The following MIB1 variants were observed in gnomAD, a reference collection of about 807,000 sequenced individuals.
MIB1 encodes E3 ubiquitin-protein ligase MIB1.
A neutral mutation model predicts 124.5 loss-of-function variants in MIB1; 278 were observed. The ratio of observed to expected loss-of-function variants is 2.23; its 90% CI spans 2.02 to 2.47. MIB1 has a LOEUF of 2.47. MIB1 is among the 30% of genes most tolerant of loss of function. The pLI is 0.00. For missense variants in MIB1, 957 were observed against 1,254.4 expected (o/e 0.76, Z 3.58); for synonymous variants, 446 against 429.4 (o/e 1.04, Z -0.48).
chr18:21,733,798 C>G (rs1372338824), intron 1 of MIB1, among the ~76,000 whole-genome samples: 1 of 151,858 alleles, frequency 6.6e-6, no homozygotes. Flanking sequence ...CTCTGCTTCC[C>G]AGGTTCAAGA....
At chr18:21,800,810 C>G (rs1656103707) in intron 9 of MIB1, among the ~76,000 whole-genome samples, 1 of 151,984 alleles carries the variant, frequency 6.6e-6, no homozygotes, top group African/African-American at 2.4e-5. Context: ...ATAGAGAAAT[C>G]AATTGTAGCA....
intron 4 of MIB1, among the ~76,000 whole-genome samples, chr18:21,776,514 A>C (rs539366318): frequency 6.6e-6 from 1 of 152,284 alleles, no homozygotes; most frequent in South Asian, 2.1e-4. Flanking sequence ...CTTTTAAGTA[A>C]ATCCACATCT....
At chr18:21,767,397 G>A (rs2041173683) in intron 2 of MIB1, among the ~76,000 whole-genome samples, 1 of 152,104 alleles carries the variant, frequency 6.6e-6, no homozygotes, top group Non-Finnish European at 1.5e-5. Context: ...AGAACAGCAT[G>A]GAGGTAACCG....
chr18:21,814,643 A>C (rs2041808255), intron 10 of MIB1, among the ~76,000 whole-genome samples: 1 of 151,884 alleles, frequency 6.6e-6, no homozygotes, highest in Non-Finnish European at 1.5e-5. Context: ...GCCCGATCTC[A>C]GCTCACTGCA....
Position 21,865,527 on chromosome 18 carries a change from T to G in MIB1, c.*861T>G, listed in dbSNP as rs1425833449. On this transcript the variant is annotated 3_prime_UTR_variant, in exon 21 of 21. Transcript: ENST00000261537. The stretch of plus-strand genomic sequence containing the variant: ...TGTACTTCCGGTTTTCTGTGATTAC[T>G]TATCTGGGCTTGATCTGACCAGTGA... The G allele has an allele frequency of 6.6e-6, 1 of 152,638 alleles. No homozygotes were observed. The highest frequency in any genetic ancestry group is 2.4e-5 in the African/African-American group (1 of 41,466). 9.5% of individuals were successfully genotyped at this position (152,638 alleles called of 1,614,324 possible).
At chr18:21,856,096 GGCGGGCGCCT>G (rs1461551597) in intron 18 of MIB1, among the ~76,000 whole-genome samples, 2 of 151,506 alleles carry the variant, frequency 1.3e-5, no homozygotes, top group Admixed American at 6.6e-5. Flanking sequence ...CGGGCGCGGT[GGCGGGCGCCT>G]GTAGTCCCAG....
At chr18:21,784,692 G>A (rs1384254806) in intron 6 of MIB1, among the ~76,000 whole-genome samples, 2 of 152,224 alleles carry the variant, frequency 1.3e-5, no homozygotes, top group African/African-American at 2.4e-5. Flanking sequence ...GGTGAGAAGT[G>A]ACCAGAAGAG....
In MIB1 at chr18:21,866,574, A is replaced by AG. The variant is rs1374975860; in HGVS notation, c.*1910dup. Reference sequence around the variant, plus strand: ...TCTCTTCCCACTAGATCACCTGGTGAGGAGGGAGCACCTGGCTGACTCATG... The same window carrying AG: ...TCTCTTCCCACTAGATCACCTGGTGAGGGAGGGAGCACCTGGCTGACTCATG... On this transcript the variant is annotated 3_prime_UTR_variant, in exon 21 of 21. Coordinates refer to ENST00000261537, the MANE Select transcript of MIB1 (RefSeq NM_020774.4). The AG allele has an allele frequency of 6.6e-6, 1 of 152,072 alleles. No individual in the cohort carries two copies. Among genetic ancestry groups the AG allele is most frequent in the African/African-American group, 2.4e-5 (1 of 41,412 alleles). The allele number at this position is 152,072 out of a possible 1,614,324, so 9.4% of individuals were successfully genotyped here.
At chr18:21,736,845 C>G (rs868698152), upstream of MIB1, among the ~76,000 whole-genome samples, 1 of 152,156 alleles carries the variant, frequency 6.6e-6, no homozygotes, top group Non-Finnish European at 1.5e-5. Context: ...AGAACAAAGC[C>G]TCCAAGAAAT....
At chr18:21,841,720 G>A (rs1231734340) in intron 13 of MIB1, among the ~76,000 whole-genome samples, 1 of 151,862 alleles carries the variant, frequency 6.6e-6, no homozygotes, top group Non-Finnish European at 1.5e-5. Flanking sequence ...CCACTTCTAG[G>A]TATGTACCCA....
chr18:21,808,045 G>A (rs891210787), intron 10 of MIB1, among the ~76,000 whole-genome samples: 1 of 152,010 alleles, frequency 6.6e-6, no homozygotes, highest in Non-Finnish European at 1.5e-5. Context: ...ATTCCAAAAC[G>A]TAAGGGCTCT....
At chr18:21,730,105 A>C (rs1329498282) in intron 1 of MIB1, among the ~76,000 whole-genome samples, 1 of 152,174 alleles carries the variant, frequency 6.6e-6, no homozygotes, top group Non-Finnish European at 1.5e-5. Flanking sequence ...TTCATTCTTC[A>C]ATCTATTTAT....
chr18:21,720,498 T>TG (rs1382830944), intron 1 of MIB1, among the ~76,000 whole-genome samples: 1 of 152,126 alleles, frequency 6.6e-6, no homozygotes, highest in Non-Finnish European at 1.5e-5. Context: ...ATAATTTTTT[T>TG]TTTTTTAGAA....
chr18:21,820,685 A>G (rs2041870444), intron 12 of MIB1, among the ~76,000 whole-genome samples: 1 of 152,182 alleles, frequency 6.6e-6, no homozygotes, highest in African/African-American at 2.4e-5. Context: ...TTATGATAGC[A>G]CTTTCCACAT....
chr18:21,828,481 C>T (rs1329880342), intron 12 of MIB1: 1 of 151,906 alleles, frequency 6.6e-6, no homozygotes, highest in African/African-American at 2.4e-5. Context: ...AACAACAAAA[C>T]TTTTGGTCAG....
At chr18:21,745,661 G>T (rs2040903234) in intron 1 of MIB1, among the ~76,000 whole-genome samples, 1 of 146,444 alleles carries the variant, frequency 6.8e-6, no homozygotes, top group South Asian at 2.2e-4. Context: ...CCCATGGTGA[G>T]TGCATAGGTG....
intron 10 of MIB1, among the ~76,000 whole-genome samples, chr18:21,806,834 G>A (rs575338235): frequency 6.6e-6 from 1 of 151,254 alleles, no homozygotes; most frequent in East Asian, 2.0e-4. Context: ...TGTTAGCCAG[G>A]ATGGTCTCCA....
At chr18:21,735,495 C>T (rs771077653) in intron 1 of MIB1, among the ~76,000 whole-genome samples, 2 of 151,622 alleles carry the variant, frequency 1.3e-5, no homozygotes, top group African/African-American at 2.4e-5. Flanking sequence ...TTTCATACCC[C>T]GGTGGCATCT....
intron 15 of MIB1, among the ~76,000 whole-genome samples, chr18:21,845,554 G>A (rs1044191665): frequency 6.6e-6 from 1 of 152,148 alleles, no homozygotes; most frequent in Non-Finnish European, 1.5e-5. Flanking sequence ...TGTGACATAT[G>A]GATCCAGGTT....
Sources: gnomAD v4.1 joint callset for allele counts (sites outside exome capture counted in the v4.1 genomes callset) on GRCh38, gnomAD v4.1.1 for gene constraint, MANE v1.5 for transcripts, NCBI Gene and HGNC (gene_info 2026-07-23, HGNC 2026-07-21) for gene names.